The following FBXL17 variants were observed in gnomAD, a reference collection of about 807,000 sequenced individuals.
The protein encoded by FBXL17 is F-box/LRR-repeat protein 17.
A neutral mutation model predicts 66.2 loss-of-function variants in FBXL17; 22 were observed. That is an observed-to-expected ratio of 0.33 (90% CI 0.24 to 0.47). FBXL17 has a LOEUF of 0.47. Ranked by LOEUF, FBXL17 falls within the 20% of genes least tolerant of loss-of-function variation. The probability of loss-of-function intolerance (pLI) is 1.00; values close to 1 mark genes in which losing one functional copy is unlikely to be tolerated. For missense variants in FBXL17, 878 were observed against 948.2 expected (o/e 0.93, Z 0.97); for synonymous variants, 474 against 400.5 (o/e 1.18, Z -2.19).
chr5:108,027,673 A>G (rs1478742084), intron 6 of FBXL17, among the ~76,000 whole-genome samples: 1 of 152,144 alleles, frequency 6.6e-6, no homozygotes, highest in Non-Finnish European at 1.5e-5. Context: ...GTTGATATTA[A>G]TGTTCCTACC....
At chr5:108,041,913 T>C (rs1250563168) in intron 6 of FBXL17, among the ~76,000 whole-genome samples, 1 of 152,008 alleles carries the variant, frequency 6.6e-6, no homozygotes, top group Non-Finnish European at 1.5e-5. Context: ...AATTCAGGGG[T>C]TTTTCTGAGA....
chr5:107,904,582 G>C (rs758982057), intron 7 of FBXL17, among the ~76,000 whole-genome samples: 10 of 152,126 alleles, frequency 6.6e-5, no homozygotes, highest in Non-Finnish European at 1.5e-4. Flanking sequence ...TCCTTAAATA[G>C]CCTGCTTTGG....
intron 6 of FBXL17, among the ~76,000 whole-genome samples, chr5:108,160,626 T>C (rs896916308): frequency 1.3e-5 from 2 of 152,156 alleles, no homozygotes; most frequent in Non-Finnish European, 2.9e-5. Context: ...GAAGCCCTTT[T>C]CATATACTAG....
intron 6 of FBXL17, among the ~76,000 whole-genome samples, chr5:108,151,058 T>C (rs1315234204): frequency 6.6e-6 from 1 of 152,190 alleles, no homozygotes; most frequent in Non-Finnish European, 1.5e-5. Context: ...AATGGAACCA[T>C]AGGTTCTTTC....
At chr5:108,027,635 C>T (rs1269781689) in intron 6 of FBXL17, among the ~76,000 whole-genome samples, 1 of 151,976 alleles carries the variant, frequency 6.6e-6, no homozygotes, top group African/African-American at 2.4e-5. Context: ...CTTGATGGAT[C>T]AAATATTGTT....
At chr5:108,044,384 T>A (rs1747169024) in intron 6 of FBXL17, among the ~76,000 whole-genome samples, 1 of 152,214 alleles carries the variant, frequency 6.6e-6, no homozygotes, top group South Asian at 2.1e-4. Flanking sequence ...GCAAGTAATT[T>A]TTATTATTAA....
At chr5:107,890,343 A>G (rs992836504) in intron 7 of FBXL17, among the ~76,000 whole-genome samples, 14 of 151,620 alleles carry the variant, frequency 9.2e-5, no homozygotes, top group Non-Finnish European at 1.2e-4. Flanking sequence ...GTCAGTTTTA[A>G]GCTGGTCTCA....
intron 6 of FBXL17, among the ~76,000 whole-genome samples, chr5:108,112,020 G>A (rs1347480904): frequency 6.6e-6 from 1 of 152,188 alleles, no homozygotes; most frequent in African/African-American, 2.4e-5. Flanking sequence ...GAGAGTTTCT[G>A]GATGCGGCAA....
At chr5:108,252,737 C>G (rs757622774) in intron 4 of FBXL17, among the ~76,000 whole-genome samples, 1 of 152,132 alleles carries the variant, frequency 6.6e-6, no homozygotes, top group Non-Finnish European at 1.5e-5. Flanking sequence ...ACAGAAATAA[C>G]TATAGCCCAC....
chr5:107,917,480 C>G (rs368317579), intron 7 of FBXL17, among the ~76,000 whole-genome samples: 1 of 152,082 alleles, frequency 6.6e-6, no homozygotes, highest in Non-Finnish European at 1.5e-5. Flanking sequence ...TTCCACAAGT[C>G]TGCTTCTTAA....
At chr5:108,232,183 T>C (rs1755373207) in intron 4 of FBXL17, among the ~76,000 whole-genome samples, 1 of 152,234 alleles carries the variant, frequency 6.6e-6, no homozygotes, top group African/African-American at 2.4e-5. Flanking sequence ...TTTATTTCCT[T>C]TTCCTTCATC....
intron 8 of FBXL17, among the ~76,000 whole-genome samples, chr5:107,871,061 A>ACAAAAACAAAAAC (rs758637724): frequency 1.7e-5 from 2 of 115,914 alleles, no homozygotes; most frequent in Admixed American, 8.3e-5. Context: ...GGGCGGCAAA[A>ACAAAAACAAAAAC]AAAAAAAAAA....
chr5:107,980,526 A>G (rs2916578), intron 7 of FBXL17, among the ~76,000 whole-genome samples: 79,914 of 145,516 alleles, frequency 0.55, 23,812 homozygotes, highest in East Asian at 0.84. Flanking sequence ...TGTAGAGACA[A>G]GGTTTCACCA....
intron 1 of FBXL17, among the ~76,000 whole-genome samples, chr5:108,373,754 A>T (rs1749224676): frequency 6.6e-6 from 1 of 151,768 alleles, no homozygotes; most frequent in Non-Finnish European, 1.5e-5. Context: ...TGTCTCCACA[A>T]AAAAAATGAC....
At chr5:108,183,666 C>T (rs1446174823) in intron 6 of FBXL17, among the ~76,000 whole-genome samples, 2 of 151,994 alleles carry the variant, frequency 1.3e-5, no homozygotes, top group African/African-American at 4.8e-5. Context: ...TGCGCCCATC[C>T]CCTGAATAGT....
intron 4 of FBXL17, among the ~76,000 whole-genome samples, chr5:108,250,531 T>A (rs1246093241): frequency 1.3e-5 from 2 of 152,132 alleles, no homozygotes; most frequent in African/African-American, 4.8e-5. Flanking sequence ...GGTTTTTACT[T>A]GTTTTCTTAC....
intron 7 of FBXL17, among the ~76,000 whole-genome samples, chr5:107,981,207 T>C (rs576108784): frequency 1.3e-5 from 2 of 152,208 alleles, no homozygotes; most frequent in African/African-American, 4.8e-5. Context: ...GAGTCCATGC[T>C]AGAAAGGAGT....
intron 6 of FBXL17, among the ~76,000 whole-genome samples, chr5:108,021,769 T>C (rs748426645): frequency 3.3e-5 from 5 of 151,870 alleles, no homozygotes. Flanking sequence ...CAGTTTCCTA[T>C]AATATCAGAA....
chr5:108,070,585 G>C (rs1748290330), intron 6 of FBXL17, among the ~76,000 whole-genome samples: 1 of 152,142 alleles, frequency 6.6e-6, no homozygotes. Context: ...AATCAAAACA[G>C]TACTCATTAG....
Sources: allele counts gnomAD v4.1 joint callset (sites outside exome capture counted in the v4.1 genomes callset), GRCh38; gene constraint gnomAD v4.1.1; transcripts MANE v1.5; gene names NCBI Gene and HGNC (gene_info 2026-07-23, HGNC 2026-07-21).